Variants in EPB41L3 observed in about 807,000 individuals in gnomAD.
The protein encoded by EPB41L3 is erythrocyte membrane protein band 4.1 like 3.
In EPB41L3, 57 loss-of-function variants were observed where a neutral mutation model predicts 127.1. The observed-to-expected ratio is 0.45, with a 90% CI of 0.36 to 0.56. The LOEUF is 0.56. Among genes scored for constraint, EPB41L3 ranks in the 20% least tolerant of loss-of-function variants. EPB41L3 has a pLI of 0.00. For missense variants in EPB41L3, 1,273 were observed against 1,372.2 expected (o/e 0.93, Z 1.14); for synonymous variants, 572 against 549.5 (o/e 1.04, Z -0.57).
rs1488940702 is a variant in EPB41L3 at position 5,418,985 on chromosome 18, A to G, written c.1506+726T>C. ...CTCTGTTTTTCCCTTATTATTAGGT[A>G]TAAGCCTCCTGAAGGGTTTTTTGAC... On this transcript the variant is annotated intron_variant, in intron 12 of 22. Coordinates refer to ENST00000341928, the MANE Select transcript of EPB41L3 (RefSeq NM_012307.5). Among the ~76,000 whole-genome samples the G allele has an allele frequency of 2.6e-5, 4 of 152,200 alleles. No homozygotes were observed. The East Asian group carries it at 7.7e-4, about 29-fold the overall frequency.
intron 1 of EPB41L3, among the ~76,000 whole-genome samples, chr18:5,619,257 C>T (rs1398931047): frequency 6.6e-6 from 1 of 152,180 alleles, no homozygotes; most frequent in Non-Finnish European, 1.5e-5. Context: ...TTTTTGTGAA[C>T]ACAGTGCAAC....
At position 5,543,374 on chromosome 18, in the gene EPB41L3, G is replaced by A. The variant is rs1414644980; in HGVS notation, c.-12+539C>T. The A allele has an allele frequency of 2.0e-5, 3 of 148,058 alleles. No individual in the cohort carries two copies. The highest frequency in any genetic ancestry group is 4.9e-5 in the African/African-American group (2 of 41,104). 9.2% of individuals were successfully genotyped at this position (148,058 alleles called of 1,614,324 possible). On this transcript the variant is annotated intron_variant, in intron 1 of 22. Coordinates refer to ENST00000341928, the MANE Select transcript of EPB41L3 (RefSeq NM_012307.5). This position sits in a 1 kb window ranked among gnomAD's most constrained non-coding sequence, Gnocchi z 5.2. ...CCCGGGACGAGCCCGCTGCCGCCGC[G>A]CGCTGAGCGCAGGGCCCCTCCCGCG...
In EPB41L3 at chr18:5,610,310, G is replaced by A. The variant is rs76075838; in HGVS notation, c.-306+2030C>T. 1.8e-3 allele frequency: 1,763 copies of A among 985,200 alleles called. 32 individuals are homozygous for A. The African/African-American group carries it at 0.028, about 16-fold the overall frequency. The allele number at this position is 985,200 out of a possible 1,614,324, so 61.0% of individuals were successfully genotyped here. A position where few individuals can be genotyped will look rare whatever the true frequency, so the allele number is the denominator to read the frequency against. ...TGCTACCTTATCCCATTCTGAGCACGAGAATGACACTTCCCTCCTTTCTAG... is the reference window on the plus strand; with the variant it reads ...TGCTACCTTATCCCATTCTGAGCACAAGAATGACACTTCCCTCCTTTCTAG... On this transcript the variant is annotated intron_variant, in intron 3 of 21. Coordinates refer to the EPB41L3 transcript ENST00000545076.
intron 3 of EPB41L3, among the ~76,000 whole-genome samples, chr18:5,475,266 A>G (rs977194233): frequency 1.3e-5 from 2 of 152,226 alleles, no homozygotes; most frequent in African/African-American, 4.8e-5. Flanking sequence ...GTGTTCAAAT[A>G]AATTAGTTGC....
intron 1 of EPB41L3, chr18:5,614,475 T>C (rs1160976929): frequency 6.6e-6 from 1 of 152,170 alleles, no homozygotes; most frequent in Non-Finnish European, 1.5e-5. Context: ...CTGGAGTCTC[T>C]CCGCAAAGCA....
intron 2 of EPB41L3, 121 bp downstream of exon 2, chr18:5,488,880 C>T: frequency 9.1e-7 from 1 of 1,094,332 alleles, no homozygotes; most frequent in Non-Finnish European, 1.2e-6. Flanking sequence ...CTGCCTGGGG[C>T]TAGAAGGGGA....
chr18:5,398,212 C>T (rs2073912184), intron 16 of EPB41L3, 69 bp from the exon 17 acceptor site: 1 of 1,582,148 alleles, frequency 6.3e-7, no homozygotes, highest in African/African-American at 1.4e-5. Flanking sequence ...TAAACATTCA[C>T]AGCTTGTTAG....
At chr18:5,627,410 G>A (rs1305242186) in intron 1 of EPB41L3, among the ~76,000 whole-genome samples, 4 of 152,172 alleles carry the variant, frequency 2.6e-5, no homozygotes, top group African/African-American at 9.7e-5. Flanking sequence ...TTCAACCAGA[G>A]ACTGTTATAA....
chr18:5,416,039 G>C lies in EPB41L3; in HGVS notation c.1846C>G (p.Leu616Val), dbSNP rs762092790. ...TAATGCTGCAAGCTCTGGGGCAGGA[G>C]GTTGGTTTCAGAAAGGTTGGGGAAA... Reference protein sequence around the residue: ...LSFPNLSETNLLPQSLQHYLP... With the variant: ...LSFPNLSETNVLPQSLQHYLP... Residue 616 changes from leucine (L) to valine (V), a missense_variant, in exon 13 of 23, where the codon CTC becomes GTC. Physicochemically the swap from Leu to Val is conservative, Grantham distance 32. Transcript: ENST00000341928. 2 of 1,613,980 alleles carry C rather than the reference G, an allele frequency of 1.2e-6. No individual in the cohort carries two copies. Among genetic ancestry groups the C allele is most frequent in the South Asian group, 1.1e-5 (1 of 91,076 alleles).
At chr18:5,529,928 A>ATGTATGTGTGTG (rs374864271) in intron 1 of EPB41L3, among the ~76,000 whole-genome samples, 125 of 146,882 alleles carry the variant, frequency 8.5e-4, no homozygotes, top group African/African-American at 3.0e-3. Context: ...CAACTCATAT[A>ATGTATGTGTGTG]TGTGTGTGTG....
intron 10 of EPB41L3, 77 bp from the exon 11 acceptor site, chr18:5,423,630 A>G (rs367722140): frequency 7.3e-7 from 1 of 1,372,868 alleles, no homozygotes. Flanking sequence ...TTTTACTCTG[A>G]GAGGTCATGT....
chr18:5,468,640 C>T (rs1731199398), intron 3 of EPB41L3, among the ~76,000 whole-genome samples: 1 of 152,194 alleles, frequency 6.6e-6, no homozygotes, highest in Admixed American at 6.5e-5. Context: ...GACAGCTGCA[C>T]CCATTGGGAT....
chr18:5,428,513 C>T, intron 8 of EPB41L3, 48 bp from the exon 9 acceptor site: 1 of 1,602,456 alleles, frequency 6.2e-7, no homozygotes, highest in Non-Finnish European at 8.5e-7. Flanking sequence ...AACTTATTTC[C>T]ATTTTCTGCT....
At chr18:5,496,686 A>G (rs539763123) in intron 1 of EPB41L3, among the ~76,000 whole-genome samples, 2 of 152,276 alleles carry the variant, frequency 1.3e-5, no homozygotes, top group African/African-American at 4.8e-5. Flanking sequence ...ATTTTAAAGG[A>G]AAGTGTACAT....
intron 1 of EPB41L3, among the ~76,000 whole-genome samples, chr18:5,534,897 G>C (rs2093522390): frequency 6.6e-6 from 1 of 152,114 alleles, no homozygotes; most frequent in Non-Finnish European, 1.5e-5. Context: ...CAGTTACCTA[G>C]CTCAAGGTTA....
intron 3 of EPB41L3, among the ~76,000 whole-genome samples, chr18:5,595,283 C>T (rs1388936317): frequency 2.6e-5 from 4 of 152,068 alleles, no homozygotes; most frequent in South Asian, 2.1e-4. Context: ...GGAAAGATTC[C>T]ACTTCATCTC....
intron 3 of EPB41L3, among the ~76,000 whole-genome samples, chr18:5,595,665 C>T (rs1019908045): frequency 6.6e-6 from 1 of 152,104 alleles, no homozygotes; most frequent in African/African-American, 2.4e-5. Flanking sequence ...AGTGCCTTCC[C>T]CATCAGTAAG....
chr18:5,542,305 T>C (rs989571107), intron 1 of EPB41L3, among the ~76,000 whole-genome samples: 53 of 152,352 alleles, frequency 3.5e-4, no homozygotes, highest in African/African-American at 1.1e-3. Flanking sequence ...AGCAGAATTT[T>C]ATCATTTTTG....
At chr18:5,490,578 T>C (rs2090464935) in intron 1 of EPB41L3, among the ~76,000 whole-genome samples, 1 of 152,226 alleles carries the variant, frequency 6.6e-6, no homozygotes, top group Non-Finnish European at 1.5e-5. Flanking sequence ...ATGTGCTTAG[T>C]TGCCCAAAGC....
Sources: allele counts gnomAD v4.1 joint callset (sites outside exome capture counted in the v4.1 genomes callset), GRCh38; gene constraint gnomAD v4.1.1; non-coding constraint Gnocchi (gnomAD v3.1); transcripts MANE v1.5; gene names NCBI Gene and HGNC (gene_info 2026-07-23, HGNC 2026-07-21).